CNTN5: variants seen among roughly 807,000 people sequenced by gnomAD.
CNTN5 encodes the protein contactin-5.
CNTN5 carries 77 observed loss-of-function variants against 129.1 expected under a neutral mutation model. The observed-to-expected ratio is 0.60, with a 90% confidence interval of 0.50 to 0.72. The LOEUF is 0.72. Ranked by LOEUF, CNTN5 falls within the 30% of genes least tolerant of loss-of-function variation. The pLI is 0.00. For missense variants in CNTN5, 1,478 were observed against 1,328.8 expected (o/e 1.11, Z -1.75); for synonymous variants, 509 against 465.6 (o/e 1.09, Z -1.20).
intron 8 of CNTN5, among the ~76,000 whole-genome samples, chr11:99,966,642 T>A (rs576046189): frequency 3.3e-5 from 5 of 152,334 alleles, no homozygotes; most frequent in African/African-American, 1.2e-4. Flanking sequence ...CAGTAGCATT[T>A]GTAGGAGTAA....
chr11:99,777,131 GT>G (rs1279115816), intron 3 of CNTN5, among the ~76,000 whole-genome samples: 3 of 151,766 alleles, frequency 2.0e-5, no homozygotes, highest in Admixed American at 2.0e-4. Flanking sequence ...TTGAACAGAT[GT>G]TTATTATGGT....
At chr11:99,895,259 A>G (rs1949175814) in intron 6 of CNTN5, among the ~76,000 whole-genome samples, 1 of 152,212 alleles carries the variant, frequency 6.6e-6, no homozygotes, top group African/African-American at 2.4e-5. Flanking sequence ...TGGGAATTTG[A>G]AAAGGGCTAG....
chr11:99,535,923 A>AT (rs1446668156), intron 2 of CNTN5, among the ~76,000 whole-genome samples: 1 of 152,114 alleles, frequency 6.6e-6, no homozygotes, highest in Non-Finnish European at 1.5e-5. Flanking sequence ...AAGCGAAAAA[A>AT]TCATGTTAAT....
At chr11:100,138,894 G>A (rs977283875) in intron 13 of CNTN5, among the ~76,000 whole-genome samples, 1 of 152,096 alleles carries the variant, frequency 6.6e-6, no homozygotes, top group Non-Finnish European at 1.5e-5. Flanking sequence ...ACAATGCTTG[G>A]TAGTAGAGAT....
At chr11:99,230,777 A>G (rs957559067) in intron 1 of CNTN5, among the ~76,000 whole-genome samples, 1 of 152,114 alleles carries the variant, frequency 6.6e-6, no homozygotes, top group African/African-American at 2.4e-5. Flanking sequence ...ATTAAGCCCC[A>G]GCATGCATTA....
chr11:99,178,931 A>G (rs1476539948), intron 1 of CNTN5, among the ~76,000 whole-genome samples: 1 of 152,160 alleles, frequency 6.6e-6, no homozygotes, highest in Non-Finnish European at 1.5e-5. Context: ...GTAAAATATG[A>G]TGTTATTTAA....
intron 3 of CNTN5, among the ~76,000 whole-genome samples, chr11:99,710,536 C>T (rs1176614164): frequency 1.3e-5 from 2 of 148,998 alleles, no homozygotes; most frequent in Admixed American, 6.8e-5. Context: ...CTGCAGAGTT[C>T]CTGCTCTAGA....
At chr11:99,669,592 C>T (rs1952952382) in intron 3 of CNTN5, among the ~76,000 whole-genome samples, 1 of 151,970 alleles carries the variant, frequency 6.6e-6, no homozygotes, top group South Asian at 2.1e-4. Flanking sequence ...TAGGATTACA[C>T]TATTTCCCTG....
At chr11:99,204,175 T>C (rs1859357349) in intron 1 of CNTN5, among the ~76,000 whole-genome samples, 1 of 152,244 alleles carries the variant, frequency 6.6e-6, no homozygotes, top group Non-Finnish European at 1.5e-5. Flanking sequence ...AAGGTAATCG[T>C]TAATTCTCTC....
intron 13 of CNTN5, among the ~76,000 whole-genome samples, chr11:100,146,775 A>G (rs1946864052): frequency 6.6e-6 from 1 of 152,158 alleles, no homozygotes; most frequent in Admixed American, 6.6e-5. Context: ...ATGTAAAGGG[A>G]TATAAATGAT....
At chr11:99,152,714 T>G (rs750192181) in intron 1 of CNTN5, among the ~76,000 whole-genome samples, 11 of 152,250 alleles carry the variant, frequency 7.2e-5, no homozygotes, top group Non-Finnish European at 1.3e-4. Flanking sequence ...CATGCCAGAC[T>G]TCATTGTGTG....
intron 2 of CNTN5, among the ~76,000 whole-genome samples, chr11:99,352,802 C>T (rs1331731389): frequency 1.3e-5 from 2 of 152,154 alleles, no homozygotes; most frequent in East Asian, 1.9e-4. Context: ...CTCTGGCCTA[C>T]GTGCTGTCCT....
chr11:99,721,636 A>T (rs907955326), intron 3 of CNTN5, among the ~76,000 whole-genome samples: 2 of 152,208 alleles, frequency 1.3e-5, no homozygotes, highest in Non-Finnish European at 2.9e-5. Context: ...GACAAGCGGG[A>T]TCTACTTAAA....
At chr11:100,086,884 G>A (rs77824902) in intron 13 of CNTN5, among the ~76,000 whole-genome samples, 13,952 of 151,458 alleles carry the variant, frequency 0.092, 800 homozygotes, top group East Asian at 0.18. Context: ...CAGAATATAA[G>A]GGAAAATTTA....
At chr11:100,142,372 T>A (rs1390994864) in intron 13 of CNTN5, among the ~76,000 whole-genome samples, 4 of 152,192 alleles carry the variant, frequency 2.6e-5, no homozygotes, top group African/African-American at 9.6e-5. Flanking sequence ...TATCTTTCTC[T>A]CCTGTTGGTT....
At position 100,115,011 on chromosome 11, in the gene CNTN5, A is replaced by G. The variant is rs367631432; in HGVS notation, c.1580+40717A>G. 2.3e-4 allele frequency among the ~76,000 whole-genome samples: 34 copies of G among 150,182 alleles called. No individual in the cohort carries two copies. The East Asian group carries it at 5.2e-3, about 23-fold the overall frequency. On this transcript the variant is annotated intron_variant, in intron 13 of 24. Transcript: ENST00000524871. ...CCCATTATTGGATTGCGCTGACACC[A>G]TTAGTCTTCACCACCAGTCAGTTTC...
intron 9 of CNTN5, among the ~76,000 whole-genome samples, chr11:100,009,959 G>A (rs1303715671): frequency 6.6e-6 from 1 of 152,140 alleles, no homozygotes; most frequent in African/African-American, 2.4e-5. Context: ...AAGTAGAAAT[G>A]ATGAGTGTTG....
At chr11:99,294,664 T>C (rs1326078162) in intron 1 of CNTN5, among the ~76,000 whole-genome samples, 1 of 152,210 alleles carries the variant, frequency 6.6e-6, no homozygotes, top group Non-Finnish European at 1.5e-5. Flanking sequence ...AACATGGCTA[T>C]ATTTCTCCAT....
At chr11:99,841,584 G>GGGA (rs139593754) in intron 4 of CNTN5, among the ~76,000 whole-genome samples, 2 of 151,420 alleles carry the variant, frequency 1.3e-5, no homozygotes, top group Admixed American at 1.3e-4. Flanking sequence ...TGAGAAAAAG[G>GGGA]GGAGGAGGAG....
Sources: gnomAD v4.1 joint callset for allele counts (sites outside exome capture counted in the v4.1 genomes callset) on GRCh38, gnomAD v4.1.1 for gene constraint, MANE v1.5 for transcripts, NCBI Gene and HGNC (gene_info 2026-07-23, HGNC 2026-07-21) for gene names.